MYLK: variants seen among roughly 807,000 people sequenced by gnomAD.
The protein encoded by MYLK is myosin light chain kinase.
In MYLK, 106 loss-of-function variants were observed where a neutral mutation model predicts 203.4. The observed-to-expected ratio is 0.52, with a 90% CI of 0.45 to 0.61. MYLK has a LOEUF of 0.61. Ranked by LOEUF, MYLK falls within the 20% of genes least tolerant of loss-of-function variation. The pLI is 0.00. For missense variants in MYLK, 2,072 were observed against 2,442.3 expected (o/e 0.85, Z 3.20); for synonymous variants, 867 against 959.5 (o/e 0.90, Z 1.78).
At chr3:123,692,090 T>C (rs1308907573) in intron 19 of MYLK, 1 of 161,286 alleles carries the variant, frequency 6.2e-6, no homozygotes, top group Non-Finnish European at 1.4e-5. Flanking sequence ...TGCATTTCCT[T>C]AGGACAAAGC....
intron 2 of MYLK, among the ~76,000 whole-genome samples, chr3:123,845,544 G>A (rs558646075): frequency 4.6e-5 from 7 of 152,272 alleles, no homozygotes; most frequent in Admixed American, 4.6e-4. Context: ...AGGTTGGAGT[G>A]CAGTGGTGCA....
intron 11 of MYLK, among the ~76,000 whole-genome samples, chr3:123,732,631 G>C (rs1031686018): frequency 6.6e-6 from 1 of 152,182 alleles, no homozygotes; most frequent in African/African-American, 2.4e-5. Flanking sequence ...AAACAGCTGA[G>C]GGACCTAGGA....
intron 22 of MYLK, among the ~76,000 whole-genome samples, 154 bp from the exon 23 acceptor site, chr3:123,664,412 C>A (rs1224820713): frequency 1.3e-5 from 2 of 152,104 alleles, no homozygotes; most frequent in East Asian, 1.9e-4. Flanking sequence ...CTCCCTGAGG[C>A]CCCTTCTCTC....
chr3:123,629,776 G>A lies in MYLK; in HGVS notation c.4962-150C>T, dbSNP rs1025721182. On this transcript the variant is annotated intron_variant, in intron 29 of 33. Coordinates refer to ENST00000360304, the MANE Select transcript of MYLK (RefSeq NM_053025.4). The surrounding 1 kb of genome is among the most constrained non-coding windows in gnomAD (Gnocchi z 4.4). Reference sequence around the variant, plus strand: ...CCTTGCACCTGCCTTTCTTCCACTTGTGGAAAGAAAAGAGGGTGTGGTTCA... The same window carrying A: ...CCTTGCACCTGCCTTTCTTCCACTTATGGAAAGAAAAGAGGGTGTGGTTCA... The A allele has an allele frequency of 9.1e-6, 7 of 772,782 alleles. No individual in the cohort carries two copies. The highest frequency in any genetic ancestry group is 4.8e-5 in the Admixed American group (2 of 42,094). 47.9% of individuals were successfully genotyped at this position (772,782 alleles called of 1,614,324 possible).
intron 2 of MYLK, among the ~76,000 whole-genome samples, chr3:123,863,882 C>A (rs1476853434): frequency 1.3e-5 from 2 of 152,118 alleles, no homozygotes; most frequent in South Asian, 4.1e-4. Flanking sequence ...CATATGTCTA[C>A]CCAAAAAGAC....
chr3:123,869,115 AGC>A (rs1560304616), intron 2 of MYLK, among the ~76,000 whole-genome samples: 1 of 152,088 alleles, frequency 6.6e-6, no homozygotes. Context: ...GCGGCCTAGG[AGC>A]TGTAGTGCCC....
At chr3:123,748,391 C>T (rs1248875514) in intron 5 of MYLK, among the ~76,000 whole-genome samples, 5 of 152,192 alleles carry the variant, frequency 3.3e-5, no homozygotes, top group Admixed American at 2.6e-4. Context: ...ACATCCAAAC[C>T]ATATCAACAC....
At chr3:123,880,136 G>A (rs745380086) in intron 1 of MYLK, among the ~76,000 whole-genome samples, 10 of 151,938 alleles carry the variant, frequency 6.6e-5, no homozygotes, top group South Asian at 4.2e-4. Context: ...TTTTATAACC[G>A]CCCTCATTGT....
At chr3:123,721,482 G>A (rs541265092) in intron 13 of MYLK, among the ~76,000 whole-genome samples, 59 of 152,322 alleles carry the variant, frequency 3.9e-4, no homozygotes, top group South Asian at 1.7e-3. Context: ...TGCAGTTCCC[G>A]GGGACTAAGT....
intron 2 of MYLK, among the ~76,000 whole-genome samples, chr3:123,869,832 C>A (rs2032626540): frequency 1.3e-5 from 2 of 152,180 alleles, no homozygotes; most frequent in Admixed American, 1.3e-4. Flanking sequence ...GGGATTGAAA[C>A]CCAGGTCTGT....
intron 1 of MYLK, among the ~76,000 whole-genome samples, chr3:123,883,177 A>T (rs762435809): frequency 2.6e-5 from 4 of 152,098 alleles, no homozygotes; most frequent in Non-Finnish European, 4.4e-5. Context: ...AGGGGGATGC[A>T]GCTCCAGGGC....
At position 123,685,768 on chromosome 3, in the gene MYLK, C is replaced by T. The variant is rs1328782828; in HGVS notation, c.3566-3458G>A. Among the ~76,000 whole-genome samples the T allele has an allele frequency of 3.9e-5, 6 of 152,286 alleles. No homozygotes were observed. In the East Asian group the frequency reaches 7.7e-4, roughly 20 times the overall value. ...CCCCATCTGCCTCTGCCTCCGTCCT[C>T]GGCCCTAGGGTGCTGGGTTTTCACT... is the stretch of plus-strand genomic sequence containing the variant. On this transcript the variant is annotated intron_variant, in intron 19 of 33. Transcript: ENST00000360304.
intron 3 of MYLK, among the ~76,000 whole-genome samples, chr3:123,796,481 A>G (rs2064991585): frequency 6.6e-6 from 1 of 152,244 alleles, no homozygotes; most frequent in South Asian, 2.1e-4. Context: ...CCGCTACCAC[A>G]TATGTATAAA....
At chr3:123,706,050 T>C (rs559414083) in intron 16 of MYLK, among the ~76,000 whole-genome samples, 1 of 152,192 alleles carries the variant, frequency 6.6e-6, no homozygotes, top group South Asian at 2.1e-4. Context: ...AGTTGATGCA[T>C]TCTGAGTGTA....
intron 3 of MYLK, among the ~76,000 whole-genome samples, chr3:123,819,607 T>G (rs928902625): frequency 6.6e-6 from 1 of 152,086 alleles, no homozygotes; most frequent in Non-Finnish European, 1.5e-5. Context: ...CAAAATAAAC[T>G]CCTTTCCCAT....
rs150391995 is a variant in MYLK, at chr3:123,653,666, A to C, written c.4288+3460T>G. ...GGCCACTTGCCCCAGACAGGCAGTCACAGCTCTTCCTCCTGGCAGAGTCTC... is the reference window on the plus strand; with the variant it reads ...GGCCACTTGCCCCAGACAGGCAGTCCCAGCTCTTCCTCCTGGCAGAGTCTC... On this transcript the variant is annotated intron_variant, in intron 24 of 33. Coordinates refer to ENST00000360304, the MANE Select transcript of MYLK (RefSeq NM_053025.4). Among the ~76,000 whole-genome samples the C allele has an allele frequency of 5.4e-3, 818 of 152,264 alleles. 11 individuals carry two copies. The highest frequency in any genetic ancestry group is 0.018 in the African/African-American group (735 of 41,542).
intron 3 of MYLK, among the ~76,000 whole-genome samples, chr3:123,805,299 G>T (rs1414770483): frequency 6.6e-6 from 1 of 152,128 alleles, no homozygotes; most frequent in African/African-American, 2.4e-5. Flanking sequence ...TCTGCCTCCC[G>T]TGGCTGAAGC....
chr3:123,814,242 C>A, intron 3 of MYLK: 1 of 218,054 alleles, frequency 4.6e-6, no homozygotes, highest in Non-Finnish European at 9.5e-6. Context: ...AGGTATCTTC[C>A]CCGGCCACAT....
At chr3:123,762,579 T>C (rs2063570105) in intron 4 of MYLK, among the ~76,000 whole-genome samples, 1 of 152,124 alleles carries the variant, frequency 6.6e-6, no homozygotes, top group African/African-American at 2.4e-5. Flanking sequence ...ATGGTTTGAG[T>C]GTTTTTGTCC....
Sources: allele counts gnomAD v4.1 joint callset (sites outside exome capture counted in the v4.1 genomes callset), GRCh38; gene constraint gnomAD v4.1.1; non-coding constraint Gnocchi (gnomAD v3.1); transcripts MANE v1.5; gene names NCBI Gene and HGNC (gene_info 2026-07-23, HGNC 2026-07-21).